The following ZNF835 variants were observed in gnomAD, a reference collection of about 807,000 sequenced individuals.
ZNF835 encodes the protein zinc finger protein 835.
For missense variants in ZNF835, 783 were observed against 758.4 expected (o/e 1.03, Z -0.38); for synonymous variants, 323 against 324.7 (o/e 0.99, Z 0.06).
chr19:56,663,843 GC>G lies in ZNF835; in HGVS notation c.1355del (p.Gly452AlafsTer10). 1 of 1,613,730 alleles carries G rather than the reference GC, an allele frequency of 6.2e-7. No homozygotes were observed. Among genetic ancestry groups the G allele is most frequent in the Non-Finnish European group, 8.5e-7 (1 of 1,179,942 alleles). On this transcript the variant is annotated frameshift_variant, in exon 2 of 2. Coordinates refer to ENST00000537055, the MANE Select transcript of ZNF835 (RefSeq NM_001005850.3). LOFTEE classifies it low-confidence loss of function (END_TRUNC). ...GERPYTCPEC[G>X]KAFSNRSYLI... The stretch of plus-strand genomic sequence containing the variant: ...GGTAGGAGCGGTTGCTGAAGGCCTT[GC>G]CGCACTCGGGGCAGGTGTAGGGCCG...
chr19:56,671,603 T>C lies in ZNF835; in HGVS notation c.-75A>G, dbSNP rs62130953. ...TTGCTCTCGCCTCCCGGTATCACCT[T>C]CGAACGCGCTGGCCGGCCCCCTCCT... On this transcript the variant is annotated 5_prime_UTR_variant, in exon 1 of 2. Coordinates refer to ENST00000537055, the MANE Select transcript of ZNF835 (RefSeq NM_001005850.3). 25,926 of 152,484 alleles carry C rather than the reference T, an allele frequency of 0.17. 2,618 individuals are homozygous for C. The highest frequency in any genetic ancestry group is 0.41 in the East Asian group (2,128 of 5,166). 9.4% of individuals were successfully genotyped at this position (152,484 alleles called of 1,614,324 possible). A position where few individuals can be genotyped will look rare whatever the true frequency, so the allele number is the denominator to read the frequency against.
intron 1 of ZNF835, among the ~76,000 whole-genome samples, chr19:56,670,954 A>C (rs1156600653): frequency 6.6e-6 from 1 of 152,278 alleles, no homozygotes; most frequent in Admixed American, 6.5e-5. Context: ...ACACCGCTTC[A>C]CATGAACGAG....
intron 1 of ZNF835, among the ~76,000 whole-genome samples, chr19:56,669,624 T>A (rs2045273951): frequency 1.5e-5 from 1 of 68,454 alleles, no homozygotes; most frequent in Non-Finnish European, 2.7e-5. Flanking sequence ...CTTGGGGGCC[T>A]ACCAGGAGTC....
rs1600630330 is a variant in ZNF835 at position 56,664,702 on chromosome 19, T to C, written c.497A>G (p.Tyr166Cys). 2 of 1,609,536 alleles carry C rather than the reference T, an allele frequency of 1.2e-6. No individual in the cohort carries two copies. Among genetic ancestry groups the C allele is most frequent in the African/African-American group, 2.7e-5 (2 of 74,804 alleles). ...HQRTHTGEKP[Y>C]ACHECGKAFS... The stretch of plus-strand genomic sequence containing the variant: ...GGCCTTGCCGCACTCGTGGCAGGCG[T>C]AGGGCTTCTCGCCCGTGTGCGTGCG... The change falls in exon 2 of 2, where the codon TAC (tyrosine) becomes TGC (cysteine). Residue 166 changes from tyrosine (Y) to cysteine (C), a missense_variant. Physicochemically the swap from Tyr to Cys is radical, Grantham distance 194. Coordinates refer to ENST00000537055, the MANE Select transcript of ZNF835 (RefSeq NM_001005850.3).
In ZNF835 at chr19:56,664,878, C is replaced by T. The variant is rs2045230615; in HGVS notation, c.321G>A (p.Lys107=). 1.2e-6 allele frequency: 2 copies of T among 1,613,924 alleles called. No homozygotes were observed. Among genetic ancestry groups the T allele is most frequent in the Non-Finnish European group, 1.7e-6 (2 of 1,179,904 alleles). The change falls in exon 2 of 2, where the codon AAG becomes AAA. Residue 107 remains lysine (K), a synonymous_variant. Transcript: ENST00000537055. Reference sequence around the variant, plus strand: ...CGCAGTCCCCGCATTTCCACGGCTTCTTGGGGCCTCCACCTCTCTCCCGCT... The same window carrying T: ...CGCAGTCCCCGCATTTCCACGGCTTTTTGGGGCCTCCACCTCTCTCCCGCT... ...SRQRERGGGP[K]KPWKCGDCGK...
intron 1 of ZNF835, among the ~76,000 whole-genome samples, chr19:56,666,346 A>G (rs2045245860): frequency 6.6e-6 from 1 of 152,178 alleles, no homozygotes; most frequent in African/African-American, 2.4e-5. Flanking sequence ...ACCTCAGGTG[A>G]CCCACCCACC....
intron 1 of ZNF835, among the ~76,000 whole-genome samples, chr19:56,668,930 C>T (rs780238942): frequency 6.6e-5 from 10 of 151,812 alleles, no homozygotes; most frequent in East Asian, 5.9e-4. Context: ...GGGTTCACAG[C>T]GGGGTTGGGT....
intron 1 of ZNF835, among the ~76,000 whole-genome samples, chr19:56,670,292 C>T (rs1285505342): frequency 6.6e-6 from 1 of 152,094 alleles, no homozygotes; most frequent in Non-Finnish European, 1.5e-5. Context: ...AAAGATTAAA[C>T]ATATATTTCT....
rs2045205491 is a variant in ZNF835 at position 56,663,653 on chromosome 19, A to G, written c.1546T>C (p.Ser516Pro). ...TGTTGACAGGTTTCTCCTCCCTGTG[A>G]GAGCCCAGGTGTTGAGTCAGGCGTG... ...APTPDSTPGLSQGGETCQQGC... is the reference protein window; with the variant it reads ...APTPDSTPGLPQGGETCQQGC... Residue 516 changes from serine to proline, a missense_variant, in exon 2 of 2, where the codon TCA becomes CCA. Coordinates refer to ENST00000537055, the MANE Select transcript of ZNF835 (RefSeq NM_001005850.3). 1.2e-6 allele frequency: 2 copies of G among 1,613,942 alleles called. No individual in the cohort carries two copies. Among genetic ancestry groups the G allele is most frequent in the Admixed American group, 3.3e-5 (2 of 60,010 alleles).
chr19:56,668,515 C>G (rs1253731887), intron 1 of ZNF835, among the ~76,000 whole-genome samples: 2 of 152,100 alleles, frequency 1.3e-5, no homozygotes, highest in Non-Finnish European at 2.9e-5. Flanking sequence ...CAGGCAGGCA[C>G]CACCAACCAC....
chr19:56,664,826 A>G lies in ZNF835; in HGVS notation c.373T>C (p.Phe125Leu). The G allele has an allele frequency of 6.2e-7, 1 of 1,611,202 alleles. No individual in the cohort carries two copies. The highest frequency in any genetic ancestry group is 2.2e-5 in the East Asian group (1 of 44,836). Reference sequence around the variant, plus strand: ...GTGTGGATTCTCTGGTGTAAGATGAACGCTGAACAGTAGCTGAAGGCCTTC... The same window carrying G: ...GTGTGGATTCTCTGGTGTAAGATGAGCGCTGAACAGTAGCTGAAGGCCTTC... Reference protein sequence around the residue: ...CGKAFSYCSAFILHQRIHTGE... With the variant: ...CGKAFSYCSALILHQRIHTGE... The change falls in exon 2 of 2, where the codon TTC becomes CTC. Residue 125 changes from phenylalanine (F) to leucine (L), a missense_variant. Physicochemically the swap from Phe to Leu is conservative, Grantham distance 22. Transcript: ENST00000537055.
At position 56,664,314 on chromosome 19, in the gene ZNF835, C is replaced by G. The variant is rs1175930370; in HGVS notation, c.885G>C (p.Gln295His). The G allele has an allele frequency of 1.2e-6, 2 of 1,604,770 alleles. No individual in the cohort carries two copies. The highest frequency in any genetic ancestry group is 1.7e-5 in the Admixed American group (1 of 58,128). Residue 295 changes from glutamine (Q) to histidine (H), a missense_variant, in exon 2 of 2, where the codon CAG becomes CAC. Transcript: ENST00000537055. ...TCTCGCCCGTGTGCACGCGCCGGTG[C>G]TGGGTCAGGTGCGCGATCTGCGCGA... is the stretch of plus-strand genomic sequence containing the variant. The part of the protein sequence containing the change: ...KAFAQIAHLT[Q>H]HRRVHTGEKP...
chr19:56,668,804 G>A (rs997710699), intron 1 of ZNF835, among the ~76,000 whole-genome samples: 36 of 152,052 alleles, frequency 2.4e-4, no homozygotes, highest in Admixed American at 1.3e-4. Flanking sequence ...AGGAAGTCAC[G>A]TGTGCTGGTA....
rs2045217391 is a variant in ZNF835, at chr19:56,664,198, T to C, written c.1001A>G (p.Tyr334Cys). The C allele has an allele frequency of 6.2e-7, 1 of 1,605,922 alleles. No homozygotes were observed. The highest frequency in any genetic ancestry group is 8.5e-7 in the Non-Finnish European group (1 of 1,175,606). Residue 334 changes from tyrosine to cysteine, a missense_variant, in exon 2 of 2, where the codon TAC becomes TGC. Transcript: ENST00000537055. ...HRRIHTGEKP[Y>C]ACGQCAKAFT... ...GGCCTTGGCGCACTGGCCGCACGCGTAGGGCTTCTCGCCTGTGTGGATGCG... is the reference window on the plus strand; with the variant it reads ...GGCCTTGGCGCACTGGCCGCACGCGCAGGGCTTCTCGCCTGTGTGGATGCG...
Position 56,665,169 on chromosome 19 carries a change from C to T in ZNF835, c.30G>A (p.Gln10=), listed in dbSNP as rs930244671. ...TCCAGTTTCCTTCCAACTCTGCGCC[C>T]TGGAGGGCGACGCTCAAGAGTCCCT... MEGLLSVAL[Q]GAELEGNWKH... is the part of the protein sequence containing the mutation. Residue 10 remains glutamine, a synonymous_variant, in exon 2 of 2, where the codon CAG becomes CAA. Transcript: ENST00000537055. The T allele has an allele frequency of 4.2e-5, 67 of 1,613,892 alleles. No individual in the cohort carries two copies. The highest frequency in any genetic ancestry group is 5.5e-5 in the Non-Finnish European group (65 of 1,179,898).
Position 56,663,648 on chromosome 19 carries a change from C to T in ZNF835, c.1551G>A (p.Gln517=), listed in dbSNP as rs958864855. Residue 517 remains glutamine, a synonymous_variant, in exon 2 of 2, where the codon CAG becomes CAA. Coordinates refer to ENST00000537055, the MANE Select transcript of ZNF835 (RefSeq NM_001005850.3). ...ACCCCTGTTGACAGGTTTCTCCTCC[C>T]TGTGAGAGCCCAGGTGTTGAGTCAG... ...PTPDSTPGLS[Q]GGETCQQGCP... is the part of the protein sequence containing the mutation. The T allele has an allele frequency of 1.9e-6, 3 of 1,613,926 alleles. No individual in the cohort carries two copies. The African/African-American group carries it at 4.0e-5, about 22-fold the overall frequency.
At position 56,664,103 on chromosome 19, in the gene ZNF835, C is replaced by G; in HGVS notation, c.1096G>C (p.Asp366His). ...CGGTTGCTGAAGCGCTTGCCGCAGT[C>G]GTGGCAGGGGTAAGGCCGCTCTCCG... ...HTGERPYPCH[D>H]CGKRFSNRSH... The change falls in exon 2 of 2, where the codon GAC becomes CAC. Residue 366 changes from aspartate to histidine, a missense_variant. Transcript: ENST00000537055. The G allele has an allele frequency of 6.3e-7, 1 of 1,599,202 alleles. No individual in the cohort carries two copies. The highest frequency in any genetic ancestry group is 8.5e-7 in the Non-Finnish European group (1 of 1,170,216).
chr19:56,671,291 G>A (rs925298637), intron 1 of ZNF835, among the ~76,000 whole-genome samples: 1 of 151,714 alleles, frequency 6.6e-6, no homozygotes, highest in Non-Finnish European at 1.5e-5. Flanking sequence ...ACACCTGCAC[G>A]GCCTGGCACC....
chr19:56,669,127 C>T (rs867521219), intron 1 of ZNF835, among the ~76,000 whole-genome samples: 1 of 152,180 alleles, frequency 6.6e-6, no homozygotes, highest in South Asian at 2.1e-4. Flanking sequence ...CTGCCTCAAC[C>T]CCTCCTTGGG....
Sources: allele counts gnomAD v4.1 joint callset (sites outside exome capture counted in the v4.1 genomes callset), GRCh38; gene constraint gnomAD v4.1.1; transcripts MANE v1.5; gene names NCBI Gene and HGNC (gene_info 2026-07-23, HGNC 2026-07-21).